Variants in REDIC1 observed in about 807,000 individuals in gnomAD.
The protein encoded by REDIC1 is HEI10 Interacting Protein 1.
At chr12:39,824,818 A>G in the REDIC1 span, among the ~76,000 whole-genome samples, 2 of 152,194 alleles carry the variant, frequency 1.3e-5, no homozygotes, top group Non-Finnish European at 2.9e-5. Flanking sequence ...CAGAAACTGC[A>G]AGGAAAAAGG....
At chr12:39,637,196 A>G in the REDIC1 span, among the ~76,000 whole-genome samples, 2 of 151,988 alleles carry the variant, frequency 1.3e-5, no homozygotes, top group African/African-American at 4.8e-5. Context: ...ACTACTATCT[A>G]GAATAGATAA....
chr12:39,801,866 G>A, the REDIC1 span, among the ~76,000 whole-genome samples: 2 of 152,294 alleles, frequency 1.3e-5, no homozygotes, highest in Non-Finnish European at 2.9e-5. Context: ...AATTAGGAAA[G>A]CAGACATTAC....
At chr12:39,689,865 A>G in the REDIC1 span, among the ~76,000 whole-genome samples, 1 of 152,220 alleles carries the variant, frequency 6.6e-6, no homozygotes, top group Non-Finnish European at 1.5e-5. Context: ...TCAAAAACAA[A>G]TTCTGTTTGA....
At chr12:39,811,568 G>A in the REDIC1 span, among the ~76,000 whole-genome samples, 1 of 152,012 alleles carries the variant, frequency 6.6e-6, no homozygotes, top group Non-Finnish European at 1.5e-5. Flanking sequence ...TTTACAGCAT[G>A]GGTTATTTAG....
chr12:39,698,473 A>G, the REDIC1 span, among the ~76,000 whole-genome samples: 25 of 152,326 alleles, frequency 1.6e-4, no homozygotes, highest in African/African-American at 5.1e-4. Context: ...ACCAGACTTC[A>G]TCTGTACTAT....
the REDIC1 span, among the ~76,000 whole-genome samples, chr12:39,894,978 C>G: frequency 6.6e-6 from 1 of 152,194 alleles, no homozygotes; most frequent in Non-Finnish European, 1.5e-5. Flanking sequence ...TAAGAAGCAT[C>G]ATGGACCATG....
At chr12:39,679,085 G>A in the REDIC1 span, among the ~76,000 whole-genome samples, 1 of 152,028 alleles carries the variant, frequency 6.6e-6, no homozygotes, top group Non-Finnish European at 1.5e-5. Flanking sequence ...CATAGTACTG[G>A]AAGTCCTAGC....
chr12:39,708,321 A>G, the REDIC1 span, among the ~76,000 whole-genome samples: 1 of 151,810 alleles, frequency 6.6e-6, no homozygotes, highest in East Asian at 1.9e-4. Flanking sequence ...AAAAGTAATA[A>G]CATGTATGTT....
the REDIC1 span, among the ~76,000 whole-genome samples, chr12:39,713,477 T>C: frequency 6.7e-6 from 1 of 149,840 alleles, no homozygotes; most frequent in African/African-American, 2.4e-5. Flanking sequence ...TATACATGTA[T>C]ACATTTATAC....
the REDIC1 span, among the ~76,000 whole-genome samples, chr12:39,796,019 C>T: frequency 6.6e-6 from 1 of 152,096 alleles, no homozygotes; most frequent in African/African-American, 2.4e-5. Flanking sequence ...AACCCCACAG[C>T]CATTAGCAGT....
chr12:39,682,745 G>C, the REDIC1 span: 1 of 1,613,362 alleles, frequency 6.2e-7, no homozygotes, highest in Non-Finnish European at 8.5e-7. Context: ...GGGAAAAATG[G>C]AAAGGAAGTT....
At chr12:39,661,494 C>T in the REDIC1 span, among the ~76,000 whole-genome samples, 11 of 151,466 alleles carry the variant, frequency 7.3e-5, no homozygotes, top group African/African-American at 1.9e-4. Flanking sequence ...CACTTTTTAA[C>T]GGGTTGTTTG....
the REDIC1 span, chr12:39,650,152 AT>A: frequency 1.6e-6 from 2 of 1,278,260 alleles, no homozygotes; most frequent in Non-Finnish European, 2.0e-6. The surrounding 1 kb of genome is among the most constrained non-coding windows in gnomAD (Gnocchi z 4.3). Context: ...AATGTAGTTC[AT>A]TTACATGACA....
chr12:39,884,049 T>G, the REDIC1 span, among the ~76,000 whole-genome samples: 1 of 152,236 alleles, frequency 6.6e-6, no homozygotes, highest in Non-Finnish European at 1.5e-5. Flanking sequence ...TTGTTTGAAG[T>G]GTTAACATTT....
At chr12:39,721,447 G>A in the REDIC1 span, 7 of 523,354 alleles carry the variant, frequency 1.3e-5, no homozygotes, top group East Asian at 2.0e-4. Flanking sequence ...TTTGTATATA[G>A]CCATTTCCTT....
chr12:39,801,997 A>G, the REDIC1 span, among the ~76,000 whole-genome samples: 2 of 152,220 alleles, frequency 1.3e-5, no homozygotes, highest in Non-Finnish European at 2.9e-5. Context: ...TAGCCAATGA[A>G]TAAGTAAGCA....
chr12:39,637,389 A>C, the REDIC1 span, among the ~76,000 whole-genome samples: 1 of 152,064 alleles, frequency 6.6e-6, no homozygotes, highest in Non-Finnish European at 1.5e-5. Flanking sequence ...ATTACTGTTT[A>C]AAAAAGATGA....
At chr12:39,721,378 A>G in the REDIC1 span, 7 of 752,004 alleles carry the variant, frequency 9.3e-6, no homozygotes, top group South Asian at 1.2e-4. Flanking sequence ...GACAGTGTTC[A>G]GGGTGTATAT....
the REDIC1 span, among the ~76,000 whole-genome samples, chr12:39,894,897 C>T: frequency 3.9e-5 from 6 of 152,142 alleles, no homozygotes; most frequent in Non-Finnish European, 8.8e-5. Context: ...ATGAAACCAT[C>T]GGATGCTTAC....
Sources: allele counts gnomAD v4.1 joint callset (sites outside exome capture counted in the v4.1 genomes callset), GRCh38; gene constraint gnomAD v4.1.1; non-coding constraint Gnocchi (gnomAD v3.1); transcripts MANE v1.5; gene names NCBI Gene and HGNC (gene_info 2026-07-23, HGNC 2026-07-21).